The following GABRA2 variants were observed in gnomAD, a reference collection of about 807,000 sequenced individuals.
The protein encoded by GABRA2 is gamma-aminobutyric acid receptor subunit alpha-2.
In GABRA2, 16 loss-of-function variants were observed where a neutral mutation model predicts 48.7. The observed-to-expected ratio is 0.33, with a 90% CI of 0.22 to 0.50. GABRA2 has a LOEUF of 0.50. Ranked by LOEUF, GABRA2 falls within the 20% of genes least tolerant of loss-of-function variation. The pLI, the probability that GABRA2 is intolerant of heterozygous loss-of-function variation, is 0.98. For synonymous variants in GABRA2, 185 were observed against 184.5 expected (o/e 1.00, Z -0.02); for missense variants, 275 against 535.6 (o/e 0.51, Z 4.80).
intron 4 of GABRA2, among the ~76,000 whole-genome samples, chr4:46,331,389 C>G (rs1292562187): frequency 6.6e-6 from 1 of 152,086 alleles, no homozygotes; most frequent in Non-Finnish European, 1.5e-5. Context: ...TATTTTGTAA[C>G]ATAAAAGTGG....
At chr4:46,378,133 C>T (rs963623429) in intron 3 of GABRA2, among the ~76,000 whole-genome samples, 4 of 152,010 alleles carry the variant, frequency 2.6e-5, no homozygotes, top group East Asian at 3.9e-4. Flanking sequence ...CCCCTCTGCC[C>T]GGCCACCACC....
intron 8 of GABRA2, among the ~76,000 whole-genome samples, chr4:46,287,180 T>G (rs75935704): frequency 6.6e-6 from 1 of 152,140 alleles, no homozygotes; most frequent in African/African-American, 2.4e-5. Context: ...TTGGCAGTTA[T>G]CTGGCTATAA....
chr4:46,383,169 C>A (rs940759061), intron 3 of GABRA2, among the ~76,000 whole-genome samples: 2 of 152,038 alleles, frequency 1.3e-5, no homozygotes, highest in Non-Finnish European at 2.9e-5. Context: ...AAATGCCAGT[C>A]GCTATGCTAA....
chr4:46,270,521 CT>C (rs1256454808), intron 8 of GABRA2, among the ~76,000 whole-genome samples: 2 of 151,850 alleles, frequency 1.3e-5, no homozygotes, highest in Non-Finnish European at 2.9e-5. Flanking sequence ...CAGACTGTTT[CT>C]TTTTTTTATC....
rs896930767 is a variant in GABRA2 at position 46,317,222 on chromosome 4, T to C, written c.256-4506A>G. Reference sequence around the variant, plus strand: ...GTCTAATCTCAGGGAAGCAGGTTGGTTATAACTTAGTAAATGTAACTATTA... The same window carrying C: ...GTCTAATCTCAGGGAAGCAGGTTGGCTATAACTTAGTAAATGTAACTATTA... On this transcript the variant is annotated intron_variant, in intron 4 of 9. Coordinates refer to ENST00000381620, the MANE Select transcript of GABRA2 (RefSeq NM_000807.4). 2.6e-5 allele frequency among the ~76,000 whole-genome samples: 4 copies of C among 151,848 alleles called. No individual in the cohort carries two copies. In the Admixed American group the frequency reaches 2.6e-4, roughly 10 times the overall value.
intron 8 of GABRA2, among the ~76,000 whole-genome samples, chr4:46,271,741 T>C (rs557678428): frequency 4.3e-4 from 66 of 152,056 alleles, no homozygotes; most frequent in African/African-American, 1.5e-3. Context: ...ATTGTTCTAT[T>C]TACCTAAATA....
chr4:46,335,977 G>T (rs1200093097), intron 3 of GABRA2, among the ~76,000 whole-genome samples: 1 of 151,784 alleles, frequency 6.6e-6, no homozygotes, highest in Non-Finnish European at 1.5e-5. Context: ...TCTTTTTATG[G>T]GACCTTTCAA....
intron 8 of GABRA2, among the ~76,000 whole-genome samples, chr4:46,287,531 A>G (rs1452729775): frequency 6.7e-6 from 1 of 149,924 alleles, no homozygotes; most frequent in Non-Finnish European, 1.5e-5. Flanking sequence ...TCGCAAGAAC[A>G]AAAAACCAAA....
chr4:46,380,723 G>A (rs1716647922), intron 3 of GABRA2, among the ~76,000 whole-genome samples: 1 of 152,124 alleles, frequency 6.6e-6, no homozygotes. Context: ...ACTTCATGAA[G>A]CAATACAATG....
Position 46,244,866 on chromosome 4 carries a change from A to G in GABRA2, c.*5442T>C, listed in dbSNP as rs1249214061. 1.3e-5 allele frequency among the ~76,000 whole-genome samples: 2 copies of G among 151,370 alleles called. No individual in the cohort carries two copies. The highest frequency in any genetic ancestry group is 3.9e-4 in the East Asian group (2 of 5,130). On this transcript the variant is annotated 3_prime_UTR_variant, in exon 10 of 10. Transcript: ENST00000381620. ...CACAAAAACGGGTATTGCTTACTGT[A>G]CAGTACAGTTTTATTGTTGAGTGTT... is the stretch of plus-strand genomic sequence containing the variant.
chr4:46,276,309 T>C (rs533594636), intron 8 of GABRA2, among the ~76,000 whole-genome samples: 87 of 152,206 alleles, frequency 5.7e-4, no homozygotes, highest in Admixed American at 4.8e-3. Flanking sequence ...AACCTAGACA[T>C]GGGTTAACTA....
At chr4:46,337,120 G>A (rs1252114193) in intron 3 of GABRA2, among the ~76,000 whole-genome samples, 1 of 151,988 alleles carries the variant, frequency 6.6e-6, no homozygotes, top group Admixed American at 6.6e-5. Context: ...ACATCTGCCT[G>A]TGAAAGACCC....
intron 8 of GABRA2, among the ~76,000 whole-genome samples, chr4:46,267,076 A>G (rs1718395847): frequency 6.6e-6 from 1 of 151,964 alleles, no homozygotes; most frequent in Non-Finnish European, 1.5e-5. Context: ...TGACTACAGT[A>G]TATTCATGTG....
chr4:46,381,508 C>CA (rs1286287563), intron 3 of GABRA2, among the ~76,000 whole-genome samples: 1 of 152,154 alleles, frequency 6.6e-6, no homozygotes. Context: ...ATTTTCTTGA[C>CA]ATGTTTTTCA....
At chr4:46,355,625 A>G (rs1035049731) in intron 3 of GABRA2, among the ~76,000 whole-genome samples, 1 of 152,204 alleles carries the variant, frequency 6.6e-6, no homozygotes, top group Non-Finnish European at 1.5e-5. Context: ...GCTCATTTCA[A>G]TATGTAGCAA....
intron 4 of GABRA2, among the ~76,000 whole-genome samples, chr4:46,318,431 A>C (rs1728905455): frequency 6.6e-6 from 1 of 151,536 alleles, no homozygotes; most frequent in African/African-American, 2.4e-5. Context: ...ATTTCAATAA[A>C]ATAATATTCT....
intron 8 of GABRA2, among the ~76,000 whole-genome samples, chr4:46,278,489 A>G (rs1182738340): frequency 6.6e-6 from 1 of 152,138 alleles, no homozygotes; most frequent in Non-Finnish European, 1.5e-5. Context: ...AAGTGCTTAT[A>G]GGGCTATTTG....
chr4:46,326,954 TTC>T (rs1730493586), intron 4 of GABRA2, among the ~76,000 whole-genome samples: 1 of 144,390 alleles, frequency 6.9e-6, no homozygotes, highest in Admixed American at 6.7e-5. Context: ...CATTCTATAC[TTC>T]TTCTTCCACC....
intron 3 of GABRA2, among the ~76,000 whole-genome samples, chr4:46,343,695 T>C (rs1733677436): frequency 6.6e-6 from 1 of 151,984 alleles, no homozygotes; most frequent in Admixed American, 6.6e-5. Flanking sequence ...ATAATATGTA[T>C]AACTCAACAC....
Sources: gnomAD v4.1 joint callset for allele counts (sites outside exome capture counted in the v4.1 genomes callset) on GRCh38, gnomAD v4.1.1 for gene constraint, MANE v1.5 for transcripts, NCBI Gene and HGNC (gene_info 2026-07-23, HGNC 2026-07-21) for gene names.